The following MAP2 variants were observed in gnomAD, a reference collection of about 807,000 sequenced individuals.
The protein encoded by MAP2 is microtubule associated protein 2, also known as microtubule-associated protein 2.
A neutral mutation model predicts 137.6 loss-of-function variants in MAP2; 14 were observed. The observed-to-expected ratio is 0.10, with a 90% confidence interval of 0.07 to 0.16. The LOEUF is 0.16. MAP2 is among the 10% of genes least tolerant of loss of function. The pLI, the probability that MAP2 is intolerant of heterozygous loss-of-function variation, is 1.00. For synonymous variants in MAP2, 786 were observed against 782.3 expected (o/e 1.00, Z -0.08); for missense variants, 2,088 against 2,191.5 (o/e 0.95, Z 0.94).
At chr2:209,566,401 C>T (rs2073420665) in intron 2 of MAP2, among the ~76,000 whole-genome samples, 3 of 152,188 alleles carry the variant, frequency 2.0e-5, no homozygotes, top group South Asian at 4.1e-4. Flanking sequence ...CATTCAGACC[C>T]AGCTGGGCAT....
At chr2:209,569,825 T>C (rs1328833502) in intron 2 of MAP2, among the ~76,000 whole-genome samples, 2 of 151,848 alleles carry the variant, frequency 1.3e-5, no homozygotes, top group Non-Finnish European at 3.0e-5. Flanking sequence ...GTGATTGTGT[T>C]AAGATACGTA....
chr2:209,524,772 A>G (rs914259643), intron 2 of MAP2, among the ~76,000 whole-genome samples: 1 of 152,202 alleles, frequency 6.6e-6, no homozygotes, highest in African/African-American at 2.4e-5. Context: ...GAATCACAAG[A>G]CATTCACTAA....
intron 3 of MAP2, among the ~76,000 whole-genome samples, chr2:209,599,837 AT>A: frequency 6.6e-6 from 1 of 152,272 alleles, no homozygotes; most frequent in South Asian, 2.1e-4. Flanking sequence ...AATATTGGAA[AT>A]TTACCACGCC....
chr2:209,679,999 C>T (rs1314258279), intron 6 of MAP2, among the ~76,000 whole-genome samples: 1 of 152,038 alleles, frequency 6.6e-6, no homozygotes, highest in Non-Finnish European at 1.5e-5. Flanking sequence ...TTTGAAATTT[C>T]TTACTGTCAT....
intron 13 of MAP2, among the ~76,000 whole-genome samples, chr2:209,722,623 T>C (rs1175183691): frequency 1.3e-5 from 2 of 152,162 alleles, no homozygotes; most frequent in Non-Finnish European, 2.9e-5. Context: ...AAAGCTTTCT[T>C]TCCATGCTTA....
chr2:209,722,416 G>T (rs1448828652), intron 13 of MAP2, among the ~76,000 whole-genome samples: 1 of 152,174 alleles, frequency 6.6e-6, no homozygotes, highest in Non-Finnish European at 1.5e-5. Context: ...AATACCAAAA[G>T]ATGTGGTAAT....
intron 1 of MAP2, among the ~76,000 whole-genome samples, chr2:209,454,353 G>C (rs537944994): frequency 1.3e-5 from 2 of 152,144 alleles, no homozygotes; most frequent in South Asian, 4.1e-4. Context: ...TATAAAGAGA[G>C]AGATGGAGTC....
intron 2 of MAP2, among the ~76,000 whole-genome samples, chr2:209,533,697 C>T (rs931804031): frequency 6.6e-6 from 1 of 152,154 alleles, no homozygotes; most frequent in African/African-American, 2.4e-5. Flanking sequence ...ACTTATGCTT[C>T]TGGTTCAGAT....
intron 13 of MAP2, among the ~76,000 whole-genome samples, chr2:209,724,583 A>AAGAG (rs145497846): frequency 5.4e-4 from 81 of 149,186 alleles, no homozygotes; most frequent in Middle Eastern, 7.1e-3. Flanking sequence ...TCAAGCAGTG[A>AAGAG]AGAGAGAGAG....
chr2:209,526,999 A>G (rs1217550858), intron 2 of MAP2, among the ~76,000 whole-genome samples: 1 of 152,146 alleles, frequency 6.6e-6, no homozygotes, highest in African/African-American at 2.4e-5. Flanking sequence ...TTGTGAATAT[A>G]TGAATAGGAC....
Position 209,695,644 on chromosome 2 carries a change from A to G in MAP2, c.3474A>G (p.Ser1158=), listed in dbSNP as rs1226943198. Residue 1158 remains serine (S), a synonymous_variant, in exon 8 of 16, where the codon TCA becomes TCG. Coordinates refer to ENST00000682079, the MANE Select transcript of MAP2 (RefSeq NM_001375505.1). ...DEGKKETSPE[S]SLIQDEIAVK... ...GCAAGAAGGAAACATCTCCAGAATC[A>G]TCTCTAATTCAAGATGAGATTGCCG... is the stretch of plus-strand genomic sequence containing the variant. 1.2e-6 allele frequency: 2 copies of G among 1,614,012 alleles called. No homozygotes were observed. The highest frequency in any genetic ancestry group is 1.7e-6 in the Non-Finnish European group (2 of 1,180,008).
At chr2:209,459,468 C>T (rs944370587) in intron 1 of MAP2, among the ~76,000 whole-genome samples, 29 of 152,144 alleles carry the variant, frequency 1.9e-4, no homozygotes, top group African/African-American at 6.5e-4. Context: ...ATATTCAAGA[C>T]GAAGCCTGGC....
chr2:209,695,234 G>T lies in MAP2; in HGVS notation c.3064G>T (p.Val1022Leu), dbSNP rs187200977. ...SEKAEKGLSS[V>L]PEIAEVEPSK... ...GAAAGCAGAGAAGGGTCTTAGTTCAGTGCCAGAGATAGCTGAGGTAGAACC... is the reference window on the plus strand; with the variant it reads ...GAAAGCAGAGAAGGGTCTTAGTTCATTGCCAGAGATAGCTGAGGTAGAACC... Residue 1022 changes from valine (V) to leucine (L), a missense_variant, in exon 8 of 16, where the codon GTG becomes TTG. Val to Leu is a conservative substitution (Grantham distance 32). Transcript: ENST00000682079. The T allele has an allele frequency of 6.2e-7, 1 of 1,614,078 alleles. No individual in the cohort carries two copies. Among genetic ancestry groups the T allele is most frequent in the East Asian group, 2.2e-5 (1 of 44,870 alleles).
intron 1 of MAP2, among the ~76,000 whole-genome samples, chr2:209,489,250 A>G (rs2058780270): frequency 6.6e-6 from 1 of 152,234 alleles, no homozygotes; most frequent in Non-Finnish European, 1.5e-5. Context: ...CTCAACATCA[A>G]CAAAAAGGAC....
chr2:209,472,987 A>C (rs1235452600), intron 1 of MAP2, among the ~76,000 whole-genome samples: 1 of 152,146 alleles, frequency 6.6e-6, no homozygotes, highest in Non-Finnish European at 1.5e-5. Context: ...CATTCTTCTG[A>C]TTCTTTCAAC....
At chr2:209,711,480 C>T (rs2065443054) in intron 13 of MAP2, among the ~76,000 whole-genome samples, 1 of 151,988 alleles carries the variant, frequency 6.6e-6, no homozygotes, top group Non-Finnish European at 1.5e-5. Context: ...GTCAATATGC[C>T]CTTTTAGAAC....
chr2:209,596,021 G>A (rs1443334014), intron 3 of MAP2, among the ~76,000 whole-genome samples: 1 of 152,032 alleles, frequency 6.6e-6, no homozygotes, highest in Non-Finnish European at 1.5e-5. Flanking sequence ...AAGTTAATGG[G>A]TGCAGCAAAC....
At chr2:209,560,738 C>G (rs879349396) in intron 2 of MAP2, among the ~76,000 whole-genome samples, 5 of 152,098 alleles carry the variant, frequency 3.3e-5, no homozygotes, top group Admixed American at 3.3e-4. Flanking sequence ...GTGGGTTTTA[C>G]TTTCTATGAT....
chr2:209,539,914 A>G (rs2066613419), intron 2 of MAP2, among the ~76,000 whole-genome samples: 1 of 146,438 alleles, frequency 6.8e-6, no homozygotes, highest in Non-Finnish European at 1.5e-5. Context: ...CCTGGGTAAC[A>G]TAGTGAGACC....
Sources: gnomAD v4.1 joint callset for allele counts (sites outside exome capture counted in the v4.1 genomes callset) on GRCh38, gnomAD v4.1.1 for gene constraint, MANE v1.5 for transcripts, NCBI Gene and HGNC (gene_info 2026-07-23, HGNC 2026-07-21) for gene names.